CHP1: variants seen among roughly 807,000 people sequenced by gnomAD.
CHP1 encodes the protein calcineurin B homologous protein 1.
In CHP1, 11 loss-of-function variants were observed where a neutral mutation model predicts 27.4. The observed-to-expected ratio is 0.40, with a 90% CI of 0.25 to 0.67. The LOEUF is 0.67. Ranked by LOEUF, CHP1 falls within the 30% of genes least tolerant of loss-of-function variation. The pLI is 0.38. For missense variants in CHP1, 169 were observed against 251.3 expected (o/e 0.67, Z 2.22); for synonymous variants, 89 against 87.4 (o/e 1.02, Z -0.10).
chr15:41,256,789 C>A, intron 2 of CHP1, 121 bp from the exon 3 acceptor site: 2 of 769,792 alleles, frequency 2.6e-6, no homozygotes. Flanking sequence ...GTATAATTTG[C>A]CACAGAAGTA....
intron 1 of CHP1, among the ~76,000 whole-genome samples, chr15:41,235,052 A>G (rs925102813): frequency 7.9e-5 from 12 of 152,226 alleles, no homozygotes; most frequent in Non-Finnish European, 1.6e-4. Flanking sequence ...TTCTATTGGC[A>G]TATTTGCTAA....
At chr15:41,278,632 CATT>C in intron 5 of CHP1, 132 bp from the exon 6 acceptor site, 2 of 1,013,002 alleles carry the variant, frequency 2.0e-6, no homozygotes, top group Middle Eastern at 2.1e-4. Context: ...TTAACCAAAA[CATT>C]ATTATGCAGT....
rs2047544584 is a variant in CHP1 at position 41,281,282 on chromosome 15, G to C, written c.*1893G>C. ...GCTGCCTGGTTACATTAGCTCCCTG[G>C]CTTCTTGTTTAGACCACTGCTAATC... is the stretch of plus-strand genomic sequence containing the variant. On this transcript the variant is annotated 3_prime_UTR_variant, in exon 7 of 7. Transcript: ENST00000334660. 1 of 152,444 alleles carries C rather than the reference G, an allele frequency of 6.6e-6. No homozygotes were observed. Among genetic ancestry groups the C allele is most frequent in the Admixed American group, 6.6e-5 (1 of 15,264 alleles). The allele number at this position is 152,444 out of a possible 1,614,324, so 9.4% of individuals were successfully genotyped here.
rs2047536373 is a variant in CHP1 at position 41,279,654 on chromosome 15, C to T, written c.*265C>T. 2.5e-6 allele frequency: 1 copy of T among 403,550 alleles called. No individual in the cohort carries two copies. The highest frequency in any genetic ancestry group is 4.5e-6 in the Non-Finnish European group (1 of 224,004). The allele number at this position is 403,550 out of a possible 1,614,324, so 25.0% of individuals were successfully genotyped here. ...AAATATCATCTTCCCCATTCTGCTG[C>T]TGAATGCCACACATCCATCCAGTCT... On this transcript the variant is annotated 3_prime_UTR_variant, in exon 7 of 7. Transcript: ENST00000334660.
chr15:41,278,714 A>G, intron 5 of CHP1, 53 bp from the exon 6 acceptor site: 2 of 1,610,154 alleles, frequency 1.2e-6, no homozygotes, highest in South Asian at 1.1e-5. Context: ...ATCTTAGTAA[A>G]GAGTCCCTCT....
chr15:41,269,548 C>T (rs950900078), intron 4 of CHP1, among the ~76,000 whole-genome samples: 4 of 152,114 alleles, frequency 2.6e-5, no homozygotes, highest in African/African-American at 9.7e-5. Flanking sequence ...CCCAGCTGCA[C>T]CAGAAAGCCA....
intron 2 of CHP1, 128 bp downstream of exon 2, chr15:41,243,867 C>T: frequency 1.4e-6 from 1 of 720,986 alleles, no homozygotes; most frequent in Non-Finnish European, 2.3e-6. Context: ...GACCATTTCT[C>T]TACTGGTCTT....
At position 41,231,277 on chromosome 15, in the gene CHP1, A is replaced by T. The variant is rs1405143379; in HGVS notation, c.-106A>T. Reference sequence around the variant, plus strand: ...TCCCTCCCGGGTCCGCAGTGGAAACACTGCCCTCTCCCTTCTTGACCCCTA... The same window carrying T: ...TCCCTCCCGGGTCCGCAGTGGAAACTCTGCCCTCTCCCTTCTTGACCCCTA... On this transcript the variant is annotated 5_prime_UTR_variant, in exon 1 of 7. Coordinates refer to ENST00000334660, the MANE Select transcript of CHP1 (RefSeq NM_007236.5). 1 of 1,162,226 alleles carries T rather than the reference A, an allele frequency of 8.6e-7. No homozygotes were observed. Among genetic ancestry groups the T allele is most frequent in the East Asian group, 2.6e-5 (1 of 38,936 alleles). The allele number at this position is 1,162,226 out of a possible 1,614,324, so 72.0% of individuals were successfully genotyped here.
chr15:41,272,487 C>G (rs907187392), intron 5 of CHP1: 3 of 152,096 alleles, frequency 2.0e-5, no homozygotes, highest in Non-Finnish European at 4.4e-5. Context: ...ATATCACCAT[C>G]TCAGCTCACT....
intron 2 of CHP1, among the ~76,000 whole-genome samples, chr15:41,246,318 A>T: frequency 6.7e-6 from 1 of 149,136 alleles, no homozygotes; most frequent in East Asian, 2.0e-4. Flanking sequence ...TTTTTTAATG[A>T]GCTGTTTCTT....
At chr15:41,275,553 T>C (rs1483725277) in intron 5 of CHP1, among the ~76,000 whole-genome samples, 1 of 152,118 alleles carries the variant, frequency 6.6e-6, no homozygotes, top group Non-Finnish European at 1.5e-5. Flanking sequence ...ATCATGTAAT[T>C]TACTATTGAT....
chr15:41,260,010 G>A (rs781599078), intron 3 of CHP1, among the ~76,000 whole-genome samples: 5 of 152,208 alleles, frequency 3.3e-5, no homozygotes, highest in Admixed American at 6.5e-5. Flanking sequence ...GATTATGGGC[G>A]TGAGCCACTG....
At chr15:41,244,231 T>C (rs1822387806) in intron 2 of CHP1, among the ~76,000 whole-genome samples, 1 of 151,366 alleles carries the variant, frequency 6.6e-6, no homozygotes, top group Non-Finnish European at 1.5e-5. Context: ...ACTATGACAA[T>C]TAAATGCATT....
rs1021890048 is a variant in CHP1, at chr15:41,279,895, T to C, written c.*506T>C. On this transcript the variant is annotated 3_prime_UTR_variant, in exon 7 of 7. Transcript: ENST00000334660. ...TTTCATTAAGCCTCAAAATCTCCTC[T>C]GTTCTACTTGGCACCACAAGCTATG... The C allele has an allele frequency of 2.0e-5, 3 of 153,754 alleles. No individual in the cohort carries two copies. The highest frequency in any genetic ancestry group is 7.2e-5 in the African/African-American group (3 of 41,482). The allele number at this position is 153,754 out of a possible 1,614,324, so 9.5% of individuals were successfully genotyped here.
intron 4 of CHP1, among the ~76,000 whole-genome samples, chr15:41,263,680 G>T (rs1280272222): frequency 6.6e-6 from 1 of 152,168 alleles, no homozygotes; most frequent in Non-Finnish European, 1.5e-5. Context: ...TTTGAGACCA[G>T]CCTGGGCAAC....
At chr15:41,256,777 TG>T in intron 2 of CHP1, 132 bp from the exon 3 acceptor site, 2 of 721,164 alleles carry the variant, frequency 2.8e-6, no homozygotes, top group Non-Finnish European at 5.0e-6. Flanking sequence ...TGCAGTTATT[TG>T]GTATAATTTG....
intron 5 of CHP1, 39 bp downstream of exon 5, chr15:41,270,657 T>C (rs377765667): frequency 7.3e-5 from 108 of 1,487,664 alleles, no homozygotes; most frequent in Admixed American, 3.5e-4. Context: ...GCTTGGACTC[T>C]GCCTGCTTAT....
intron 4 of CHP1, among the ~76,000 whole-genome samples, chr15:41,266,490 C>G (rs66723852): frequency 0.14 from 20,941 of 152,018 alleles, 1,699 homozygotes; most frequent in South Asian, 0.27. Context: ...GTTTTTATAA[C>G]ACATAATGAT....
intron 4 of CHP1, chr15:41,264,188 A>C (rs1392843819): frequency 7.8e-7 from 1 of 1,286,462 alleles, no homozygotes; most frequent in Non-Finnish European, 1.0e-6. Context: ...ATATATATAG[A>C]GAGAGATCGA....
Sources: allele counts gnomAD v4.1 joint callset (sites outside exome capture counted in the v4.1 genomes callset), GRCh38; gene constraint gnomAD v4.1.1; transcripts MANE v1.5; gene names NCBI Gene and HGNC (gene_info 2026-07-23, HGNC 2026-07-21).